The following SEC22A variants were observed in gnomAD, a reference collection of about 807,000 sequenced individuals.
SEC22A encodes the protein SEC22 homolog A, vesicle trafficking protein.
Under a neutral mutation model 35.3 loss-of-function variants are expected in SEC22A, and 22 were observed. The ratio of observed to expected loss-of-function variants is 0.62; its 90% CI spans 0.45 to 0.89. The LOEUF (loss-of-function observed/expected upper bound fraction) is 0.89. Ranked by LOEUF, SEC22A falls within the 40% of genes least tolerant of loss-of-function variation. The probability of loss-of-function intolerance (pLI) is 0.00; values close to 1 mark genes in which losing one functional copy is unlikely to be tolerated. For synonymous variants in SEC22A, 119 were observed against 129.5 expected, an observed-to-expected ratio of 0.92 and a Z score of 0.55; for missense variants, 354 against 362.5, an observed-to-expected ratio of 0.98 and a Z score of 0.19.
intron 3 of SEC22A, among the ~76,000 whole-genome samples, chr3:123,224,896 A>T (rs1473960060): frequency 6.6e-6 from 1 of 152,184 alleles, no homozygotes; most frequent in Non-Finnish European, 1.5e-5. Flanking sequence ...TCCTTAGTTT[A>T]TTTAAAATTA....
In SEC22A at chr3:123,226,763, G is replaced by C. The variant is rs1937223440; in HGVS notation, c.541+1466G>C. Among the ~76,000 whole-genome samples, 7 of 152,108 alleles carry C rather than the reference G, an allele frequency of 4.6e-5. No homozygotes were observed. In the South Asian group the frequency reaches 1.5e-3, roughly 32 times the overall value. On this transcript the variant is annotated intron_variant, in intron 4 of 6. Coordinates refer to ENST00000492595, the MANE Select transcript of SEC22A (RefSeq NM_012430.5). ...TTTTGCATTGGTTGCCTGTACTTGT[G>C]GGGTATTACTCAAGAGATCTTTGCC...
chr3:123,271,637 T>G lies in SEC22A; in HGVS notation c.839T>G (p.Phe280Cys). ...LYELRNLWQL[F>C]FHVTVGAFVT... ...GAACTGCGCAACCTCTGGCAGCTTT[T>G]CTTTCATGTGACTGTGGGAGCATTT... Residue 280 changes from phenylalanine to cysteine, a missense_variant, in exon 7 of 7, where the codon TTC (phenylalanine) becomes TGC (cysteine). Transcript: ENST00000492595. The G allele has an allele frequency of 1.2e-6, 2 of 1,614,232 alleles. No individual in the cohort carries two copies. Among genetic ancestry groups the G allele is most frequent in the Non-Finnish European group, 1.7e-6 (2 of 1,180,030 alleles).
At chr3:123,258,720 GTTT>G (rs11433747) in intron 5 of SEC22A, among the ~76,000 whole-genome samples, 1 of 149,178 alleles carries the variant, frequency 6.7e-6, no homozygotes, top group Non-Finnish European at 1.5e-5. Context: ...GTATAAAGAG[GTTT>G]TTTTTTTCTC....
At chr3:123,256,481 C>T (rs552919638) in intron 5 of SEC22A, among the ~76,000 whole-genome samples, 30 of 152,290 alleles carry the variant, frequency 2.0e-4, no homozygotes, top group African/African-American at 6.3e-4. Context: ...TGACACTGTA[C>T]GCACTACTTC....
chr3:123,227,443 C>T (rs369301639), intron 4 of SEC22A, among the ~76,000 whole-genome samples: 11 of 148,352 alleles, frequency 7.4e-5, no homozygotes, highest in East Asian at 4.1e-4. Flanking sequence ...ACATCACACA[C>T]GGGGGCCTGT....
intron 4 of SEC22A, among the ~76,000 whole-genome samples, chr3:123,226,332 T>G (rs891395395): frequency 6.6e-6 from 1 of 152,202 alleles, no homozygotes; most frequent in Non-Finnish European, 1.5e-5. Context: ...AGTGTTCCCT[T>G]TCTTCCACGT....
Position 123,225,076 on chromosome 3 carries a change from A to G in SEC22A, c.347-27A>G, listed in dbSNP as rs763358443. ...AATGATTAATTGACAAGTGACTGCA[A>G]GGAAATTTATTTTTTATTTTACATA... On this transcript the variant is annotated intron_variant, in intron 3 of 6. Transcript: ENST00000492595. 3 of 1,450,944 alleles carry G rather than the reference A, an allele frequency of 2.1e-6. No individual in the cohort carries two copies. The South Asian group carries it at 3.8e-5, about 18-fold the overall frequency. 89.9% of individuals were successfully genotyped at this position (1,450,944 alleles called of 1,614,324 possible). A position where few individuals can be genotyped will look rare whatever the true frequency, so the allele number is the denominator to read the frequency against.
chr3:123,249,795 A>AT (rs1384154949), intron 5 of SEC22A, among the ~76,000 whole-genome samples: 2 of 152,118 alleles, frequency 1.3e-5, no homozygotes, highest in Admixed American at 1.3e-4. Context: ...AAGTGCTGGG[A>AT]TTACAGGTGT....
chr3:123,210,828 TAA>T (rs1936929800), intron 2 of SEC22A, among the ~76,000 whole-genome samples: 1 of 152,120 alleles, frequency 6.6e-6, no homozygotes, highest in Admixed American at 6.5e-5. Context: ...GAAGAATTAA[TAA>T]GAGTTGGCTA....
chr3:123,260,468 C>T (rs1276900871), intron 6 of SEC22A, among the ~76,000 whole-genome samples: 1 of 152,118 alleles, frequency 6.6e-6, no homozygotes, highest in Non-Finnish European at 1.5e-5. Context: ...GACTTGAAGA[C>T]TGTGAAACTT....
intron 5 of SEC22A, among the ~76,000 whole-genome samples, chr3:123,247,629 T>G (rs930899490): frequency 6.6e-6 from 1 of 152,234 alleles, no homozygotes; most frequent in Non-Finnish European, 1.5e-5. Flanking sequence ...TTGTTCCTTG[T>G]CTTCCCTCTG....
At chr3:123,230,749 C>T (rs1013306326) in intron 4 of SEC22A, among the ~76,000 whole-genome samples, 3 of 129,566 alleles carry the variant, frequency 2.3e-5, no homozygotes, top group African/African-American at 8.9e-5. Flanking sequence ...CCAAAAAAGG[C>T]ATGAGATGGA....
intron 5 of SEC22A, among the ~76,000 whole-genome samples, chr3:123,250,464 TCTCA>T (rs1194942321): frequency 6.6e-6 from 1 of 152,146 alleles, no homozygotes. Context: ...GGAGGAATGT[TCTCA>T]CTCTGGGCTT....
chr3:123,260,169 A>AAAAAAAAAAAAAAC lies in SEC22A; in HGVS notation c.723+580_723+581insAAAAAAAAAAAAAC, dbSNP rs1559763879. The stretch of plus-strand genomic sequence containing the variant: ...AAAAAAAAAAAAAAAAAAAAAAAAA[A>AAAAAAAAAAAAAAC]CTACTAGATTTTCTGGTGGTTGATT... On this transcript the variant is annotated intron_variant, in intron 6 of 6. Transcript: ENST00000492595. Among the ~76,000 whole-genome samples the AAAAAAAAAAAAAAC allele has an allele frequency of 1.3e-4, 15 of 114,838 alleles. 1 individual carries two copies. Among genetic ancestry groups the AAAAAAAAAAAAAAC allele is most frequent in the African/African-American group, 4.5e-4 (13 of 28,758 alleles). The allele number at this position is 114,838 out of a possible 152,430, so 75.3% of individuals were successfully genotyped here.
At chr3:123,271,154 G>A (rs915689948) in intron 6 of SEC22A, among the ~76,000 whole-genome samples, 1 of 152,032 alleles carries the variant, frequency 6.6e-6, no homozygotes, top group East Asian at 1.9e-4. Context: ...GTGCTTTTTT[G>A]TATTTTCCTG....
rs745335803 is a variant in SEC22A, at chr3:123,245,942, A to G, written c.585A>G (p.Gly195=). 1 of 1,613,028 alleles carries G rather than the reference A, an allele frequency of 6.2e-7. No individual in the cohort carries two copies. The highest frequency in any genetic ancestry group is 2.2e-5 in the East Asian group (1 of 44,844). Residue 195 remains glycine, a synonymous_variant, in exon 5 of 7, where the codon GGA becomes GGG. Transcript: ENST00000492595. The part of the protein sequence containing the change: ...LEPATLSGIV[G]FILSLLCGAL... ...CAGCAACTCTGTCAGGGATTGTAGGATTTATCCTTAGTCTTTTATGTGGAG... is the reference window on the plus strand; with the variant it reads ...CAGCAACTCTGTCAGGGATTGTAGGGTTTATCCTTAGTCTTTTATGTGGAG...
intron 5 of SEC22A, among the ~76,000 whole-genome samples, chr3:123,246,574 A>G (rs1576498012): frequency 6.6e-6 from 1 of 152,352 alleles, no homozygotes; most frequent in African/African-American, 2.4e-5. Context: ...AAATTTATTC[A>G]GATATTGCTA....
chr3:123,229,295 CTAAAA>C (rs1372337745), intron 4 of SEC22A, among the ~76,000 whole-genome samples: 1 of 152,084 alleles, frequency 6.6e-6, no homozygotes, highest in Non-Finnish European at 1.5e-5. Context: ...GTCCCTGAAC[CTAAAA>C]TAAAAGTTAA....
chr3:123,218,129 A>G (rs1025355556), intron 2 of SEC22A, among the ~76,000 whole-genome samples: 1 of 152,224 alleles, frequency 6.6e-6, no homozygotes, highest in Non-Finnish European at 1.5e-5. Flanking sequence ...TGGACACATT[A>G]TAGAATTAGC....
Sources: gnomAD v4.1 joint callset for allele counts (sites outside exome capture counted in the v4.1 genomes callset) on GRCh38, gnomAD v4.1.1 for gene constraint, MANE v1.5 for transcripts, NCBI Gene and HGNC (gene_info 2026-07-23, HGNC 2026-07-21) for gene names.